Variants in DCC observed in about 807,000 individuals in gnomAD.
The protein encoded by DCC is netrin receptor DCC.
Under a neutral mutation model 172.5 loss-of-function variants are expected in DCC, and 58 were observed. That is an observed-to-expected ratio of 0.34 (90% CI 0.27 to 0.42). DCC has a LOEUF of 0.42. Ranked by LOEUF, DCC falls within the 10% of genes least tolerant of loss-of-function variation. The probability of loss-of-function intolerance (pLI) is 1.00; values close to 1 mark genes in which losing one functional copy is unlikely to be tolerated. For synonymous variants in DCC, 709 were observed against 644.5 expected, an observed-to-expected ratio of 1.10 and a Z score of -1.52; for missense variants, 1,740 against 1,791.0, an observed-to-expected ratio of 0.97 and a Z score of 0.51.
chr18:52,529,864 T>C (rs1478497029), intron 1 of DCC, among the ~76,000 whole-genome samples: 1 of 152,234 alleles, frequency 6.6e-6, no homozygotes, highest in Non-Finnish European at 1.5e-5. Context: ...TCTTATGATG[T>C]GATTCAGAGG....
intron 24 of DCC, among the ~76,000 whole-genome samples, chr18:53,467,069 G>A (rs964053000): frequency 6.6e-6 from 1 of 152,072 alleles, no homozygotes; most frequent in African/African-American, 2.4e-5. Context: ...ACATATGTTT[G>A]CCTCTTGCCT....
chr18:53,066,007 G>T (rs752953729), intron 6 of DCC, 39 bp from the exon 7 acceptor site: 6 of 1,609,492 alleles, frequency 3.7e-6, no homozygotes, highest in East Asian at 4.5e-5. Context: ...TGCATTTTTT[G>T]CTTTCTAAAA....
In DCC at chr18:52,802,643, CTTTTTTTTTTTT is replaced by C. The variant is rs776080029; in HGVS notation, c.412+50298_412+50309del. On this transcript the variant is annotated intron_variant, in intron 2 of 28. Coordinates refer to ENST00000442544, the MANE Select transcript of DCC (RefSeq NM_005215.4). ...ACAGGTACACATCACCACGCCAAGC[CTTTTTTTTTTTT>C]TTTTTTTTTTTTTTTTTTTTTTTTT... Among the ~76,000 whole-genome samples, 132 of 38,176 alleles carry C rather than the reference CTTTTTTTTTTTT, an allele frequency of 3.5e-3. 2 individuals carry two copies. The highest frequency in any genetic ancestry group is 0.011 in the East Asian group (9 of 816). The allele number at this position is 38,176 out of a possible 152,430, so 25.0% of individuals were successfully genotyped here. A position where few individuals can be genotyped will look rare whatever the true frequency, so the allele number is the denominator to read the frequency against.
chr18:52,973,933 T>A (rs374570680), intron 5 of DCC, among the ~76,000 whole-genome samples: 1 of 152,168 alleles, frequency 6.6e-6, no homozygotes, highest in East Asian at 1.9e-4. Context: ...TCTCCTGTGC[T>A]TTGGGCACAC....
chr18:53,047,269 T>A (rs1283283975), intron 5 of DCC, among the ~76,000 whole-genome samples: 1 of 17,440 alleles, frequency 5.7e-5, no homozygotes, highest in Non-Finnish European at 1.1e-4. Context: ...TATATATATA[T>A]ATATATATAT....
At chr18:53,121,078 A>T (rs1410403185) in intron 7 of DCC, among the ~76,000 whole-genome samples, 4 of 151,882 alleles carry the variant, frequency 2.6e-5, no homozygotes, top group Non-Finnish European at 5.9e-5. Context: ...TTGCTGTGAA[A>T]TCTGGTGAGA....
intron 1 of DCC, among the ~76,000 whole-genome samples, chr18:52,435,956 C>T (rs553745186): frequency 6.6e-6 from 1 of 152,192 alleles, no homozygotes; most frequent in Admixed American, 6.5e-5. Context: ...ATCAGATGAC[C>T]CATGGCAACC....
At chr18:53,369,733 G>T (rs2058041310) in intron 15 of DCC, among the ~76,000 whole-genome samples, 1 of 151,668 alleles carries the variant, frequency 6.6e-6, no homozygotes, top group African/African-American at 2.4e-5. Context: ...ATGACGTGGT[G>T]GTTTTTCTTC....
At chr18:52,876,972 A>G (rs929717231) in intron 2 of DCC, among the ~76,000 whole-genome samples, 23 of 152,358 alleles carry the variant, frequency 1.5e-4, no homozygotes, top group Non-Finnish European at 2.1e-4. Flanking sequence ...TGAATTTCAG[A>G]TAAACAATGA....
intron 2 of DCC, among the ~76,000 whole-genome samples, chr18:52,806,628 G>A (rs143971902): frequency 7.2e-4 from 110 of 152,320 alleles, no homozygotes; most frequent in African/African-American, 2.6e-3. Flanking sequence ...TTAAAAGAAA[G>A]GAGAGGAATA....
At chr18:52,557,071 C>G (rs1319431969) in intron 1 of DCC, among the ~76,000 whole-genome samples, 1 of 152,096 alleles carries the variant, frequency 6.6e-6, no homozygotes, top group Non-Finnish European at 1.5e-5. Context: ...AAATCACTAG[C>G]TATTTTCTTT....
At chr18:52,954,046 T>C (rs2040701726) in intron 5 of DCC, among the ~76,000 whole-genome samples, 1 of 152,240 alleles carries the variant, frequency 6.6e-6, no homozygotes, top group Non-Finnish European at 1.5e-5. Flanking sequence ...CACAGGGATC[T>C]TTGAATTCTT....
rs1223208579 is a variant in DCC, at chr18:53,205,339, C to G, written c.1697C>G (p.Thr566Ser). 1 of 1,613,928 alleles carries G rather than the reference C, an allele frequency of 6.2e-7. No individual in the cohort carries two copies. Among genetic ancestry groups the G allele is most frequent in the South Asian group, 1.1e-5 (1 of 91,082 alleles). The change falls in exon 10 of 29, where the codon ACT becomes AGT. Residue 566 changes from threonine to serine, a missense_variant. Thr to Ser is a moderately conservative substitution (Grantham distance 58, BLOSUM62 1). Coordinates refer to ENST00000442544, the MANE Select transcript of DCC (RefSeq NM_005215.4). Reference sequence around the variant, plus strand: ...GTCCAAGGTTACAGATTGTTCTGCACTGAGGTGTCCACAGGAAAAGAACAG... The same window carrying G: ...GTCCAAGGTTACAGATTGTTCTGCAGTGAGGTGTCCACAGGAAAAGAACAG... ...GPVQGYRLFC[T>S]EVSTGKEQNI...
intron 1 of DCC, among the ~76,000 whole-genome samples, chr18:52,497,346 T>C: frequency 7.9e-6 from 1 of 126,328 alleles, no homozygotes; most frequent in African/African-American, 3.2e-5. Context: ...CACGTATGCA[T>C]ATATATATAC....
intron 5 of DCC, among the ~76,000 whole-genome samples, chr18:53,011,247 A>C (rs978352605): frequency 5.3e-5 from 8 of 151,658 alleles, no homozygotes; most frequent in Non-Finnish European, 8.9e-5. Flanking sequence ...AGATATCTGC[A>C]TCTCACAAAA....
At chr18:52,383,249 A>G (rs1985659789) in intron 1 of DCC, among the ~76,000 whole-genome samples, 1 of 152,136 alleles carries the variant, frequency 6.6e-6, no homozygotes, top group South Asian at 2.1e-4. Flanking sequence ...CTTACTCTAA[A>G]TTTATAGGAT....
At position 53,253,456 on chromosome 18, in the gene DCC, G is replaced by C. The variant is rs143737017; in HGVS notation, c.1911+37859G>C. 3.9e-4 allele frequency among the ~76,000 whole-genome samples: 60 copies of C among 152,108 alleles called. No homozygotes were observed. The East Asian group carries it at 0.01, about 26-fold the overall frequency. ...TCAAGTATTAAATATTAGAATCACA[G>C]CTTCAATTAAAGGTGATTCTGAATG... is the stretch of plus-strand genomic sequence containing the variant. On this transcript the variant is annotated intron_variant, in intron 12 of 28. Coordinates refer to ENST00000442544, the MANE Select transcript of DCC (RefSeq NM_005215.4).
rs1312950773 is a variant in DCC at position 53,532,613 on chromosome 18, AAG to A, written c.*1962_*1963del. 2 of 151,696 alleles carry A rather than the reference AAG, an allele frequency of 1.3e-5. No homozygotes were observed. 9.4% of individuals were successfully genotyped at this position (151,696 alleles called of 1,614,324 possible). A position where few individuals can be genotyped will look rare whatever the true frequency, so the allele number is the denominator to read the frequency against. On this transcript the variant is annotated 3_prime_UTR_variant, in exon 29 of 29. Transcript: ENST00000442544. ...TCAGAAATAATCCATTACTTCAAAA[AAG>A]AAAATATTCATTGGGCTAGCCCAAC...
chr18:53,262,228 C>T (rs1363760870), intron 12 of DCC, among the ~76,000 whole-genome samples: 1 of 152,158 alleles, frequency 6.6e-6, no homozygotes, highest in Non-Finnish European at 1.5e-5. Context: ...GAGGCTATAT[C>T]CCCACCCCAT....
Sources: allele counts gnomAD v4.1 joint callset (sites outside exome capture counted in the v4.1 genomes callset), GRCh38; gene constraint gnomAD v4.1.1; transcripts MANE v1.5; gene names NCBI Gene and HGNC (gene_info 2026-07-23, HGNC 2026-07-21).